Variants in POLR3C observed in about 807,000 individuals in gnomAD.
The protein encoded by POLR3C is RNA polymerase III subunit C.
POLR3C carries 44 observed loss-of-function variants against 65.9 expected under a neutral mutation model. That is an observed-to-expected ratio of 0.67 (90% confidence interval 0.52 to 0.86). The LOEUF (loss-of-function observed/expected upper bound fraction) is 0.86. Ranked by LOEUF, POLR3C falls within the 40% of genes least tolerant of loss-of-function variation. The pLI is 0.00. For synonymous variants in POLR3C, 263 were observed against 231.6 expected (o/e 1.14, Z -1.23); for missense variants, 576 against 653.2 (o/e 0.88, Z 1.29).
chr1:145,826,902 G>A lies in POLR3C; in HGVS notation c.486G>A (p.Ser162=), dbSNP rs782598529. The part of the protein sequence containing the change: ...ADTHFVQRCP[S]VPTTENSDPG... ...CACACTTTGTACAACGCTGCCCTTCGGTACCTACCACTGAGAATTCAGACC... is the reference window on the plus strand; with the variant it reads ...CACACTTTGTACAACGCTGCCCTTCAGTACCTACCACTGAGAATTCAGACC... Residue 162 remains serine (S), a synonymous_variant, in exon 4 of 15, where the codon TCG becomes TCA. Coordinates refer to ENST00000334163, the MANE Select transcript of POLR3C (RefSeq NM_006468.8). 1.1e-5 allele frequency: 17 copies of A among 1,613,040 alleles called. No homozygotes were observed. Among genetic ancestry groups the A allele is most frequent in the South Asian group, 4.4e-5 (4 of 90,956 alleles).
At chr1:145,835,188 C>A (rs587696962) in intron 7 of POLR3C, among the ~76,000 whole-genome samples, 4 of 149,872 alleles carry the variant, frequency 2.7e-5, no homozygotes, top group African/African-American at 9.8e-5. Flanking sequence ...GCAGCTCACA[C>A]CCGTAATCCC....
Position 145,839,991 on chromosome 1 carries a change from G to A in POLR3C, c.1323G>A (p.Lys441=). 6.3e-7 allele frequency: 1 copy of A among 1,592,938 alleles called. No homozygotes were observed. The highest frequency in any genetic ancestry group is 8.6e-7 in the Non-Finnish European group (1 of 1,160,766). ...AARMLLHRCY[K]SIANLIERRQ... is the part of the protein sequence containing the mutation. Reference sequence around the variant, plus strand: ...GAATGTTGTTGCACAGGTGCTACAAGGTAACTCAATCTGGACCTTCTCCCC... The same window carrying A: ...GAATGTTGTTGCACAGGTGCTACAAAGTAACTCAATCTGGACCTTCTCCCC... The change falls in exon 12 of 15, where the codon AAG becomes AAA. Residue 441 remains lysine, a splice_region_variant and synonymous_variant. Coordinates refer to ENST00000334163, the MANE Select transcript of POLR3C (RefSeq NM_006468.8).
intron 7 of POLR3C, among the ~76,000 whole-genome samples, chr1:145,836,024 C>T (rs1246985635): frequency 6.6e-6 from 1 of 151,936 alleles, no homozygotes; most frequent in East Asian, 1.9e-4. Flanking sequence ...TTAGTGTACT[C>T]GGTACTGGTC....
intron 1 of POLR3C, 195 bp downstream of exon 1, chr1:145,824,564 A>T: frequency 7.8e-7 from 1 of 1,276,462 alleles, no homozygotes; most frequent in Non-Finnish European, 1.0e-6. Context: ...GGTGATACTG[A>T]GGCGGGGTGG....
intron 7 of POLR3C, 21 bp from the exon 8 acceptor site, chr1:145,836,473 T>G (rs782487002): frequency 1.4e-6 from 2 of 1,444,828 alleles, no homozygotes; most frequent in Admixed American, 1.7e-5. Flanking sequence ...AAACCCATTT[T>G]AAGTGTCCTT....
intron 1 of POLR3C, 43 bp downstream of exon 1, chr1:145,824,412 C>T: frequency 1.9e-6 from 1 of 538,144 alleles, no homozygotes; most frequent in Non-Finnish European, 3.3e-6. Flanking sequence ...ACTGACTGGA[C>T]CAAGAGACCA....
intron 4 of POLR3C, among the ~76,000 whole-genome samples, chr1:145,828,265 C>G (rs1650951960): frequency 6.6e-6 from 1 of 152,150 alleles, no homozygotes; most frequent in Admixed American, 6.5e-5. Flanking sequence ...GGGGCTGAAT[C>G]AAGTAAGACC....
In POLR3C at chr1:145,843,614, G is replaced by A. The variant is rs1652450354; in HGVS notation, c.*1194G>A. Among the ~76,000 whole-genome samples the A allele has an allele frequency of 1.3e-5, 2 of 152,152 alleles. 1 individual carries two copies. The highest frequency in any genetic ancestry group is 4.1e-4 in the South Asian group (2 of 4,820). On this transcript the variant is annotated 3_prime_UTR_variant, in exon 15 of 15. Transcript: ENST00000334163. ...AAATTTTGAGCATACAGTCTAGTAG[G>A]AGGAGACAAATAAGTACATAAGTAC... is the stretch of plus-strand genomic sequence containing the variant.
Position 145,842,494 on chromosome 1 carries a change from T to C in POLR3C, c.*74T>C. ...ATAAAGGAGGTGCCTGGATGCATTA[T>C]TTGCAGTGGGATAAGTCGCAGAGTC... is the stretch of plus-strand genomic sequence containing the variant. On this transcript the variant is annotated 3_prime_UTR_variant, in exon 15 of 15. Transcript: ENST00000334163. 5 of 975,776 alleles carry C rather than the reference T, an allele frequency of 5.1e-6. No individual in the cohort carries two copies. Among genetic ancestry groups the C allele is most frequent in the Non-Finnish European group, 8.3e-6 (5 of 602,904 alleles). 60.4% of individuals were successfully genotyped at this position (975,776 alleles called of 1,614,324 possible). A position where few individuals can be genotyped will look rare whatever the true frequency, so the allele number is the denominator to read the frequency against.
chr1:145,824,416 G>A, intron 1 of POLR3C, 47 bp downstream of exon 1: 1 of 555,158 alleles, frequency 1.8e-6, no homozygotes, highest in Admixed American at 2.4e-5. Flanking sequence ...ACTGGACCAA[G>A]AGACCACGTC....
intron 4 of POLR3C, among the ~76,000 whole-genome samples, chr1:145,827,335 A>G (rs1475802035): frequency 6.6e-6 from 1 of 152,218 alleles, no homozygotes; most frequent in African/African-American, 2.4e-5. Flanking sequence ...GCCATGAAGG[A>G]AAAGTATGAG....
At chr1:145,830,001 A>G (rs996610662) in intron 5 of POLR3C, among the ~76,000 whole-genome samples, 2 of 152,212 alleles carry the variant, frequency 1.3e-5, no homozygotes, top group Non-Finnish European at 1.5e-5. Flanking sequence ...AAGGCAAAGG[A>G]GAGCCATTGA....
At chr1:145,832,397 A>T (rs782207088) in intron 5 of POLR3C, among the ~76,000 whole-genome samples, 1 of 152,210 alleles carries the variant, frequency 6.6e-6, no homozygotes, top group Non-Finnish European at 1.5e-5. Context: ...GTAAAGGCTG[A>T]TAAGAAGGCG....
intron 9 of POLR3C, 152 bp from the exon 10 acceptor site, chr1:145,837,384 T>C (rs1570746295): frequency 1.9e-6 from 1 of 520,580 alleles, no homozygotes; most frequent in South Asian, 3.3e-5. Context: ...AGTTTTGGAA[T>C]ATTTATGTAC....
intron 7 of POLR3C, among the ~76,000 whole-genome samples, chr1:145,836,129 T>C (rs1212061631): frequency 1.3e-5 from 2 of 151,676 alleles, no homozygotes; most frequent in Admixed American, 1.3e-4. Context: ...CTTTTTTTTT[T>C]TTTTTTTTGA....
intron 10 of POLR3C, 79 bp from the exon 11 acceptor site, chr1:145,837,977 G>A (rs1376456695): frequency 1.9e-5 from 25 of 1,340,850 alleles, no homozygotes; most frequent in South Asian, 1.2e-5. Context: ...ACATGGAATA[G>A]AACAACCACC....
At chr1:145,831,597 T>A (rs1053937447) in intron 5 of POLR3C, among the ~76,000 whole-genome samples, 4 of 149,826 alleles carry the variant, frequency 2.7e-5, no homozygotes, top group Non-Finnish European at 3.0e-5. Flanking sequence ...GGAGAGCAGA[T>A]AAAATTACCC....
intron 9 of POLR3C, among the ~76,000 whole-genome samples, chr1:145,837,298 A>G (rs1463694041): frequency 6.6e-6 from 1 of 152,222 alleles, no homozygotes; most frequent in Non-Finnish European, 1.5e-5. Context: ...CCCTGTCTCA[A>G]AAAAGAAAAG....
intron 10 of POLR3C, 102 bp downstream of exon 10, chr1:145,837,698 C>CT: frequency 1.2e-6 from 1 of 814,086 alleles, no homozygotes; most frequent in Non-Finnish European, 2.1e-6. Context: ...CCTTGGCATA[C>CT]TTTTCCCCAT....
Sources: gnomAD v4.1 joint callset for allele counts (sites outside exome capture counted in the v4.1 genomes callset) on GRCh38, gnomAD v4.1.1 for gene constraint, MANE v1.5 for transcripts, NCBI Gene and HGNC (gene_info 2026-07-23, HGNC 2026-07-21) for gene names.